ELMO1: variants seen among roughly 807,000 people sequenced by gnomAD.
ELMO1 encodes the protein engulfment and cell motility protein 1.
Under a neutral mutation model 98.9 loss-of-function variants are expected in ELMO1, and 26 were observed. That is an observed-to-expected ratio of 0.26 (90% CI 0.19 to 0.36). The LOEUF (loss-of-function observed/expected upper bound fraction) is 0.36, where lower values mean the gene tolerates loss of function less well. ELMO1 is among the 10% of genes least tolerant of loss of function. ELMO1 has a pLI of 1.00. For synonymous variants in ELMO1, 346 were observed against 346.0 expected, an observed-to-expected ratio of 1.00 and a Z score of 0.00; for missense variants, 627 against 935.2, an observed-to-expected ratio of 0.67 and a Z score of 4.30.
chr7:37,287,507 A>G (rs1041733613), intron 4 of ELMO1, among the ~76,000 whole-genome samples: 1 of 152,230 alleles, frequency 6.6e-6, no homozygotes, highest in Non-Finnish European at 1.5e-5. Context: ...ATGATAAATG[A>G]TATTTAGAGA....
intron 15 of ELMO1, among the ~76,000 whole-genome samples, chr7:37,052,419 C>A (rs893482214): frequency 1.3e-5 from 2 of 152,138 alleles, no homozygotes; most frequent in African/African-American, 4.8e-5. Flanking sequence ...TTAAAAATTC[C>A]AATTTTTGTA....
chr7:37,432,358 G>A (rs573367284), intron 1 of ELMO1, among the ~76,000 whole-genome samples: 5 of 152,296 alleles, frequency 3.3e-5, no homozygotes, highest in East Asian at 3.9e-4. Context: ...CTTGTATTGA[G>A]GGAGAAAGGG....
chr7:37,188,604 T>G (rs529060324), intron 13 of ELMO1, among the ~76,000 whole-genome samples: 4 of 150,672 alleles, frequency 2.7e-5, no homozygotes, highest in Non-Finnish European at 5.9e-5. Flanking sequence ...ATCTTAAGAG[T>G]TTTTTTTAAA....
intron 15 of ELMO1, among the ~76,000 whole-genome samples, chr7:37,064,144 C>T (rs1796822056): frequency 6.6e-6 from 1 of 152,192 alleles, no homozygotes; most frequent in African/African-American, 2.4e-5. Flanking sequence ...TCCAAACCAT[C>T]ACCTGGGCCC....
At position 36,854,048 on chromosome 7, in the gene ELMO1, AG is replaced by A. The variant is rs1479944586; in HGVS notation, c.*1502del. 6.6e-6 allele frequency among the ~76,000 whole-genome samples: 1 copy of A among 152,246 alleles called. No individual in the cohort carries two copies. The highest frequency in any genetic ancestry group is 6.5e-5 in the Admixed American group (1 of 15,290). On this transcript the variant is annotated 3_prime_UTR_variant, in exon 22 of 22. Transcript: ENST00000310758. ...TATATCATGGTAAGAAAGAAAAAAG[AG>A]AAAGTCATGGTCAAGAGACAGCAAT...
chr7:36,939,971 T>A (rs1294534458), intron 16 of ELMO1, among the ~76,000 whole-genome samples: 2 of 152,258 alleles, frequency 1.3e-5, no homozygotes, highest in Non-Finnish European at 2.9e-5. Context: ...GTGTGCTCAA[T>A]AAATACTGGT....
At chr7:36,914,121 T>C (rs540970258) in intron 16 of ELMO1, among the ~76,000 whole-genome samples, 2 of 152,304 alleles carry the variant, frequency 1.3e-5, no homozygotes, top group East Asian at 3.9e-4. Context: ...GGAAAGCAGT[T>C]CACAAATAAG....
chr7:37,033,999 C>T (rs1230113627), intron 15 of ELMO1, among the ~76,000 whole-genome samples: 2 of 152,170 alleles, frequency 1.3e-5, no homozygotes, highest in African/African-American at 4.8e-5. Context: ...ACATTGTATT[C>T]CCATGTACAA....
At chr7:36,856,979 G>C (rs1010672978) in intron 21 of ELMO1, among the ~76,000 whole-genome samples, 1 of 152,144 alleles carries the variant, frequency 6.6e-6, no homozygotes, top group Non-Finnish European at 1.5e-5. Context: ...AGATCTCAAC[G>C]TAAAAGTAAC....
intron 1 of ELMO1, chr7:37,352,885 G>T (rs1364275107): frequency 6.6e-6 from 1 of 152,136 alleles, no homozygotes; most frequent in Non-Finnish European, 1.5e-5. Context: ...TAAATCTGTG[G>T]TGACTTGGGA....
intron 13 of ELMO1, among the ~76,000 whole-genome samples, chr7:37,160,707 G>T (rs1484578219): frequency 2.0e-5 from 3 of 152,172 alleles, no homozygotes; most frequent in Non-Finnish European, 4.4e-5. Flanking sequence ...GAGAACAGGT[G>T]CCTGGGAGTC....
intron 13 of ELMO1, among the ~76,000 whole-genome samples, chr7:37,163,611 C>G (rs992096952): frequency 4.0e-5 from 6 of 151,740 alleles, no homozygotes; most frequent in Non-Finnish European, 7.4e-5. Context: ...TTTGTTCTTG[C>G]GATAGTTTAC....
At chr7:37,113,383 G>T (rs991171571) in intron 14 of ELMO1, among the ~76,000 whole-genome samples, 1 of 152,222 alleles carries the variant, frequency 6.6e-6, no homozygotes, top group South Asian at 2.1e-4. Flanking sequence ...AGGAAATAAA[G>T]AAAACAGTGA....
rs115653207 is a variant in ELMO1, at chr7:37,340,586, G to A, written c.78+2027C>T. 3.0e-3 allele frequency among the ~76,000 whole-genome samples: 453 copies of A among 152,302 alleles called. 5 individuals carry two copies. Among genetic ancestry groups the A allele is most frequent in the African/African-American group, 0.011 (441 of 41,552 alleles). On this transcript the variant is annotated intron_variant, in intron 2 of 21. Coordinates refer to ENST00000310758, the MANE Select transcript of ELMO1 (RefSeq NM_014800.11). ...ATAAAGTTGGTAGTTATGTTAATGT[G>A]ATGTACCAATGTCAATTTCTTAGTT...
intron 10 of ELMO1, among the ~76,000 whole-genome samples, chr7:37,220,843 G>A (rs527954901): frequency 1.3e-5 from 2 of 152,214 alleles, no homozygotes; most frequent in East Asian, 3.9e-4. Context: ...TCCAAGAGTT[G>A]AGATCAGAAT....
chr7:37,393,284 C>A (rs1248701215), intron 1 of ELMO1, among the ~76,000 whole-genome samples: 1 of 152,128 alleles, frequency 6.6e-6, no homozygotes, highest in African/African-American at 2.4e-5. Flanking sequence ...GTGAAGATTG[C>A]CAACAAACAA....
chr7:37,212,739 G>A (rs1793048357), intron 12 of ELMO1, among the ~76,000 whole-genome samples: 1 of 152,214 alleles, frequency 6.6e-6, no homozygotes, highest in African/African-American at 2.4e-5. Context: ...AGTTGAAAAT[G>A]TGCTACGGCA....
At chr7:36,934,153 T>C (rs1377096412) in intron 16 of ELMO1, among the ~76,000 whole-genome samples, 1 of 151,968 alleles carries the variant, frequency 6.6e-6, no homozygotes, top group African/African-American at 2.4e-5. Context: ...CTTGCAGAGA[T>C]TGGGCCATGA....
chr7:37,043,795 C>T (rs951685816), intron 15 of ELMO1, among the ~76,000 whole-genome samples: 1 of 152,074 alleles, frequency 6.6e-6, no homozygotes, highest in Middle Eastern at 3.4e-3. Context: ...GCAGGGAGCC[C>T]AGCACACAAG....
Sources: allele counts gnomAD v4.1 joint callset (sites outside exome capture counted in the v4.1 genomes callset), GRCh38; gene constraint gnomAD v4.1.1; transcripts MANE v1.5; gene names NCBI Gene and HGNC (gene_info 2026-07-23, HGNC 2026-07-21).